The following CHRFAM7A variants were observed in gnomAD, a reference collection of about 807,000 sequenced individuals.
CHRFAM7A encodes CHRNA7 (exons 5-10) and FAM7A (exons A-E) fusion.
A neutral mutation model predicts 29.2 loss-of-function variants in CHRFAM7A; 3 were observed. That is an observed-to-expected ratio of 0.10 (90% confidence interval 0.05 to 0.27). The LOEUF (loss-of-function observed/expected upper bound fraction) is 0.27. Among genes scored for constraint, CHRFAM7A ranks in the 10% least tolerant of loss-of-function variants. CHRFAM7A has a pLI of 1.00. For missense variants in CHRFAM7A, 22 were observed against 328.0 expected (o/e 0.07, Z 7.21); for synonymous variants, 7 against 135.4 (o/e 0.05, Z 6.58).
chr15:30,376,194 CTGTGAGTGGTTGTGAGT>C (rs2058934797), intron 5 of CHRFAM7A, among the ~76,000 whole-genome samples: 1 of 136,178 alleles, frequency 7.3e-6, no homozygotes, highest in African/African-American at 2.9e-5. Context: ...GTGTGAGTGG[CTGTGAGTGGTTGTGAGT>C]GGTGTGTGTG....
intron 1 of CHRFAM7A, among the ~76,000 whole-genome samples, chr15:30,392,747 ACCAT>A (rs2059006478): frequency 3.4e-5 from 1 of 29,832 alleles, no homozygotes; most frequent in Non-Finnish European, 7.1e-5. Context: ...GACGGGTTTC[ACCAT>A]GTTGGCCAGG....
intron 5 of CHRFAM7A, among the ~76,000 whole-genome samples, chr15:30,375,618 AGTG>A (rs1392580988): frequency 6.8e-6 from 1 of 146,782 alleles, no homozygotes; most frequent in Non-Finnish European, 1.5e-5. Context: ...GTCGTGTGTG[AGTG>A]GTGTGTATGG....
At chr15:30,377,519 G>A (rs1159538947) in intron 4 of CHRFAM7A, among the ~76,000 whole-genome samples, 2 of 140,232 alleles carry the variant, frequency 1.4e-5, no homozygotes, top group Non-Finnish European at 3.1e-5. Context: ...TGTGTCCAAA[G>A]CTCTAGTTCC....
At chr15:30,377,544 G>T (rs2058945142) in intron 4 of CHRFAM7A, among the ~76,000 whole-genome samples, 1 of 130,996 alleles carries the variant, frequency 7.6e-6, no homozygotes, top group Non-Finnish European at 1.6e-5. Flanking sequence ...TCTTGAAGCG[G>T]ACCCACACTT....
At chr15:30,376,130 TGTGTGTGAG>T (rs1204863568) in intron 5 of CHRFAM7A, among the ~76,000 whole-genome samples, 6 of 149,188 alleles carry the variant, frequency 4.0e-5, no homozygotes, top group South Asian at 2.1e-4. Context: ...GAGTGGTGTG[TGTGTGTGAG>T]GTGTGTGTGA....
intron 4 of CHRFAM7A, among the ~76,000 whole-genome samples, chr15:30,377,970 G>A (rs1435520026): frequency 3.0e-5 from 3 of 99,412 alleles, no homozygotes; most frequent in Admixed American, 1.1e-4. Context: ...AATACTCAAC[G>A]TTGGAAGTTC....
intron 8 of CHRFAM7A, 142 bp downstream of exon 8, chr15:30,370,956 A>G (rs1288324272): frequency 1.3e-6 from 2 of 1,485,962 alleles, no homozygotes; most frequent in African/African-American, 2.9e-5. Flanking sequence ...GTGACTCTGA[A>G]TAGTTACAGC....
chr15:30,376,064 GGTGT>G (rs1222600090), intron 5 of CHRFAM7A, among the ~76,000 whole-genome samples: 9 of 150,936 alleles, frequency 6.0e-5, no homozygotes, highest in Admixed American at 2.6e-4. Context: ...GTGTGTGGGT[GGTGT>G]GTATGAGTGG....
intron 5 of CHRFAM7A, among the ~76,000 whole-genome samples, chr15:30,373,560 G>A (rs565410072): frequency 7.6e-6 from 1 of 131,724 alleles, no homozygotes; most frequent in African/African-American, 2.8e-5. Context: ...TTGGTGCGGG[G>A]TGAGGTAGGC....
intron 9 of CHRFAM7A, among the ~76,000 whole-genome samples, chr15:30,363,089 G>A (rs1450723090): frequency 6.6e-6 from 1 of 151,520 alleles, no homozygotes; most frequent in African/African-American, 2.4e-5. Context: ...TCGTGGAAGG[G>A]GAAGGCTATC....
chr15:30,377,643 C>T (rs1173940226), intron 4 of CHRFAM7A, among the ~76,000 whole-genome samples: 4 of 135,146 alleles, frequency 3.0e-5, no homozygotes, highest in South Asian at 4.9e-4. Flanking sequence ...GGCATGATCT[C>T]GGCTCACTGC....
In CHRFAM7A at chr15:30,361,733, A is replaced by T. The variant is rs2140850292; in HGVS notation, c.*560T>A. 8.9e-6 allele frequency: 1 copy of T among 112,200 alleles called. No homozygotes were observed. Among genetic ancestry groups the T allele is most frequent in the South Asian group, 2.8e-4 (1 of 3,538 alleles). 7.0% of individuals were successfully genotyped at this position (112,200 alleles called of 1,614,324 possible). A position where few individuals can be genotyped will look rare whatever the true frequency, so the allele number is the denominator to read the frequency against. ...TTTTTTTTTTTGATGTAGAAACAGCATCAAGCTGTTTCTCTCTACCGTCTT... is the reference window on the plus strand; with the variant it reads ...TTTTTTTTTTTGATGTAGAAACAGCTTCAAGCTGTTTCTCTCTACCGTCTT... On this transcript the variant is annotated 3_prime_UTR_variant, in exon 10 of 10. Coordinates refer to ENST00000299847, the MANE Select transcript of CHRFAM7A (RefSeq NM_139320.2).
chr15:30,367,207 A>G (rs1446273064), intron 9 of CHRFAM7A, among the ~76,000 whole-genome samples: 2 of 151,110 alleles, frequency 1.3e-5, no homozygotes, highest in African/African-American at 2.4e-5. Context: ...AATTGCTTGA[A>G]TCCAGGAGGT....
intron 6 of CHRFAM7A, 74 bp downstream of exon 6, chr15:30,372,903 TG>T: frequency 6.7e-7 from 1 of 1,496,860 alleles, no homozygotes; most frequent in Non-Finnish European, 9.0e-7. Flanking sequence ...GAAAGGACAG[TG>T]GAAAATCCCA....
chr15:30,388,911 TCTTTTATATTTTACAAGTTTTTTA>T (rs1386563069), intron 1 of CHRFAM7A, among the ~76,000 whole-genome samples: 7 of 135,336 alleles, frequency 5.2e-5, no homozygotes, highest in African/African-American at 1.9e-4. Flanking sequence ...GTCTTTGTCC[TCTTTTATATTTTACAAGTTTTTTA>T]CAATTATATA....
At chr15:30,376,031 GGTGT>G (rs1168249015) in intron 5 of CHRFAM7A, among the ~76,000 whole-genome samples, 9 of 152,024 alleles carry the variant, frequency 5.9e-5, no homozygotes, top group Admixed American at 1.3e-4. Context: ...GATTGTGAGT[GGTGT>G]GTGTGTTGTG....
At chr15:30,376,241 G>A (rs1254676106) in intron 5 of CHRFAM7A, among the ~76,000 whole-genome samples, 3 of 142,776 alleles carry the variant, frequency 2.1e-5, no homozygotes, top group Non-Finnish European at 3.1e-5. Context: ...TGTGTGAGTG[G>A]TAGTTAGGTG....
intron 9 of CHRFAM7A, among the ~76,000 whole-genome samples, chr15:30,363,300 T>C (rs1442579054): frequency 6.8e-6 from 1 of 147,944 alleles, no homozygotes; most frequent in Non-Finnish European, 1.5e-5. Context: ...CCAGGTAAAC[T>C]TGAAGCTTGA....
rs2058926865 is a variant in CHRFAM7A, at chr15:30,375,928, T to TTG, written c.160+1100_160+1101dup. 7.6e-3 allele frequency among the ~76,000 whole-genome samples: 96 copies of TTG among 12,676 alleles called. 6 individuals carry two copies. Among genetic ancestry groups the TTG allele is most frequent in the South Asian group, 0.012 (6 of 500 alleles). 8.3% of individuals were successfully genotyped at this position (12,676 alleles called of 152,430 possible). ...AGTGGTTGTGTGAGTGGTGTGTGTG[T>TTG]TGAGTCGTGTGGGTGGTATGTGAGT... On this transcript the variant is annotated intron_variant, in intron 5 of 9. Coordinates refer to ENST00000299847, the MANE Select transcript of CHRFAM7A (RefSeq NM_139320.2).
Sources: gnomAD v4.1 joint callset for allele counts (sites outside exome capture counted in the v4.1 genomes callset) on GRCh38, gnomAD v4.1.1 for gene constraint, MANE v1.5 for transcripts, NCBI Gene and HGNC (gene_info 2026-07-23, HGNC 2026-07-21) for gene names.